Variants in KAT6B observed in about 807,000 individuals in gnomAD.
KAT6B encodes histone acetyltransferase KAT6B.
KAT6B carries 10 observed loss-of-function variants against 187.5 expected under a neutral mutation model. The ratio of observed to expected loss-of-function variants is 0.05; its 90% CI spans 0.03 to 0.09. The LOEUF (loss-of-function observed/expected upper bound fraction) is 0.09, where lower values mean the gene tolerates loss of function less well. Among genes scored for constraint, KAT6B ranks in the 10% least tolerant of loss-of-function variants. The probability of loss-of-function intolerance (pLI) is 1.00; values close to 1 mark genes in which losing one functional copy is unlikely to be tolerated. For missense variants in KAT6B, 1,952 were observed against 2,558.9 expected, an observed-to-expected ratio of 0.76 and a Z score of 5.12; for synonymous variants, 861 against 926.8, an observed-to-expected ratio of 0.93 and a Z score of 1.29.
intron 3 of KAT6B, among the ~76,000 whole-genome samples, chr10:74,858,342 C>T (rs1328909356): frequency 6.7e-6 from 1 of 148,742 alleles, no homozygotes; most frequent in Non-Finnish European, 1.5e-5. Flanking sequence ...TGGAATGCAG[C>T]GGTGTGATCA....
intron 3 of KAT6B, among the ~76,000 whole-genome samples, chr10:74,893,025 C>T (rs58255635): frequency 0.1 from 15,156 of 152,244 alleles, 1,718 homozygotes; most frequent in African/African-American, 0.27. Flanking sequence ...CTTGTCCTGC[C>T]TGCGAAGGCT....
intron 15 of KAT6B, 86 bp downstream of exon 15, chr10:75,021,371 A>G: frequency 4.9e-6 from 7 of 1,415,842 alleles, no homozygotes; most frequent in Non-Finnish European, 6.9e-6. Flanking sequence ...ATCGTTGTCA[A>G]AAGCTTGGTT....
intron 7 of KAT6B, among the ~76,000 whole-genome samples, chr10:74,973,667 G>A (rs2133699550): frequency 6.6e-6 from 1 of 152,198 alleles, no homozygotes; most frequent in East Asian, 1.9e-4. Flanking sequence ...AGAAATGCAG[G>A]CTCCTTTCTA....
Position 74,976,202 on chromosome 10 carries a change from G to T in KAT6B, c.1865G>T (p.Arg622Leu). 1 of 1,614,074 alleles carries T rather than the reference G, an allele frequency of 6.2e-7. No homozygotes were observed. Among genetic ancestry groups the T allele is most frequent in the Non-Finnish European group, 8.5e-7 (1 of 1,180,010 alleles). The change falls in exon 8 of 18, where the codon CGA (arginine) becomes CTA (leucine). Residue 622 changes from arginine (R) to leucine (L), a missense_variant. By Grantham distance (102) the Arg-to-Leu change is moderately radical. Transcript: ENST00000287239. ...TTTAAAGCAATTGCTCACTTCAAGC[G>T]AACAACTTTCCTTAAAAAGCACAGG... is the stretch of plus-strand genomic sequence containing the variant. ...SIFKAIAHFKRTTFLKKHRML... is the reference protein window; with the variant it reads ...SIFKAIAHFKLTTFLKKHRML...
chr10:74,925,100 C>T (rs968845757), intron 3 of KAT6B, among the ~76,000 whole-genome samples: 3 of 152,138 alleles, frequency 2.0e-5, no homozygotes, highest in Admixed American at 2.0e-4. Flanking sequence ...AGTGCAGTGA[C>T]ATGATCTCGG....
intron 3 of KAT6B, among the ~76,000 whole-genome samples, chr10:74,950,428 GAACA>G (rs1378392915): frequency 6.6e-6 from 1 of 152,094 alleles, no homozygotes; most frequent in Non-Finnish European, 1.5e-5. Flanking sequence ...ATGCAGACGG[GAACA>G]AAATAACGCT....
chr10:74,825,458 C>T (rs1840116420), upstream of KAT6B: 1 of 151,242 alleles, frequency 6.6e-6, no homozygotes, highest in Non-Finnish European at 1.5e-5. This position sits in a 1 kb window ranked among gnomAD's most constrained non-coding sequence, Gnocchi z 5.0. Flanking sequence ...CGGGGCTGGG[C>T]GGCGCTGCCT....
intron 17 of KAT6B, chr10:75,025,599 A>G (rs1202715582): frequency 7.1e-6 from 2 of 281,756 alleles, no homozygotes; most frequent in Admixed American, 4.9e-5. Context: ...GTTATTTCTG[A>G]AATCAAGGTA....
chr10:75,030,529 C>T lies in KAT6B; in HGVS notation c.5705C>T (p.Ala1902Val), dbSNP rs1808536559. The part of the protein sequence containing the change: ...PPPLLQRNMA[A>V]SNIGISHSQR... The stretch of plus-strand genomic sequence containing the variant: ...CCTCTTTTGCAACGGAACATGGCTG[C>T]ATCAAATATTGGCATCTCTCACAGC... Residue 1902 changes from alanine (A) to valine (V), a missense_variant, in exon 18 of 18, where the codon GCA (alanine) becomes GTA (valine). By Grantham distance (64) the Ala-to-Val change is moderately conservative. Coordinates refer to ENST00000287239, the MANE Select transcript of KAT6B (RefSeq NM_012330.4). This position sits in a 1 kb window ranked among gnomAD's most constrained non-coding sequence, Gnocchi z 4.8. The T allele has an allele frequency of 1.9e-6, 3 of 1,608,466 alleles. No homozygotes were observed. The highest frequency in any genetic ancestry group is 2.6e-6 in the Non-Finnish European group (3 of 1,175,684).
At chr10:74,945,731 T>C (rs1052756356) in intron 3 of KAT6B, among the ~76,000 whole-genome samples, 2 of 152,116 alleles carry the variant, frequency 1.3e-5, no homozygotes, top group Admixed American at 6.5e-5. Context: ...ATTACAGGCA[T>C]GAGCCACTGT....
At chr10:74,830,489 T>C (rs1840670186) in intron 1 of KAT6B, among the ~76,000 whole-genome samples, 1 of 151,864 alleles carries the variant, frequency 6.6e-6, no homozygotes, top group African/African-American at 2.4e-5. Context: ...CTTTTAGTTT[T>C]CAAAAGTATC....
At chr10:74,925,114 A>G (rs980282152) in intron 3 of KAT6B, among the ~76,000 whole-genome samples, 3 of 152,120 alleles carry the variant, frequency 2.0e-5, no homozygotes, top group African/African-American at 4.8e-5. Context: ...ATCTCGGCTC[A>G]CTGCAACCTC....
intron 3 of KAT6B, among the ~76,000 whole-genome samples, chr10:74,947,622 A>C (rs1840044612): frequency 6.6e-6 from 1 of 152,226 alleles, no homozygotes; most frequent in Non-Finnish European, 1.5e-5. Flanking sequence ...AAGATATGCA[A>C]AATTTTACCA....
chr10:74,979,778 C>A (rs182298700), intron 10 of KAT6B, among the ~76,000 whole-genome samples: 1 of 152,018 alleles, frequency 6.6e-6, no homozygotes, highest in Non-Finnish European at 1.5e-5. Context: ...AGAAATTTAG[C>A]AAAAGAAGGA....
chr10:74,941,610 C>T (rs1164790670), intron 3 of KAT6B, among the ~76,000 whole-genome samples: 1 of 152,136 alleles, frequency 6.6e-6, no homozygotes, highest in Non-Finnish European at 1.5e-5. Flanking sequence ...CACCAACACA[C>T]AAACACACAC....
intron 3 of KAT6B, among the ~76,000 whole-genome samples, chr10:74,914,595 A>C (rs913962374): frequency 2.0e-5 from 3 of 152,246 alleles, no homozygotes; most frequent in African/African-American, 7.2e-5. Flanking sequence ...TTTTCAAGCA[A>C]CTGGCTCAAG....
intron 10 of KAT6B, 104 bp from the exon 11 acceptor site, chr10:74,981,680 GTTA>G (rs1842526743): frequency 1.1e-6 from 1 of 875,408 alleles, no homozygotes; most frequent in Non-Finnish European, 1.9e-6. Flanking sequence ...AGCCTCCAAT[GTTA>G]TTATACAGCC....
chr10:74,970,480 A>T (rs139067775), intron 6 of KAT6B, among the ~76,000 whole-genome samples: 2 of 152,186 alleles, frequency 1.3e-5, no homozygotes, highest in East Asian at 3.9e-4. Context: ...ATTTTTGAGG[A>T]TGATAGTGAC....
chr10:74,965,747 A>G (rs1419841453), intron 4 of KAT6B, among the ~76,000 whole-genome samples: 1 of 144,396 alleles, frequency 6.9e-6, no homozygotes, highest in Non-Finnish European at 1.5e-5. Flanking sequence ...TTTTTTTGAG[A>G]TGGAGTCTCA....
Sources: gnomAD v4.1 joint callset for allele counts (sites outside exome capture counted in the v4.1 genomes callset) on GRCh38, gnomAD v4.1.1 for gene constraint, Gnocchi (gnomAD v3.1) non-coding constraint, MANE v1.5 for transcripts, NCBI Gene and HGNC (gene_info 2026-07-23, HGNC 2026-07-21) for gene names.